The following TARBP1 variants were observed in gnomAD, a reference collection of about 807,000 sequenced individuals.
TARBP1 encodes the protein tRNA (guanosine(18)-2'-O)-methyltransferase TARBP1.
In TARBP1, 144 loss-of-function variants were observed where a neutral mutation model predicts 178.6. That is an observed-to-expected ratio of 0.81 (90% confidence interval 0.70 to 0.93). The LOEUF is 0.93. Among genes scored for constraint, TARBP1 ranks in the 40% least tolerant of loss-of-function variants. The pLI, the probability that TARBP1 is intolerant of heterozygous loss-of-function variation, is 0.00. For synonymous variants in TARBP1, 787 were observed against 781.0 expected (o/e 1.01, Z -0.13); for missense variants, 2,067 against 2,011.7 (o/e 1.03, Z -0.53).
intron 6 of TARBP1, among the ~76,000 whole-genome samples, chr1:234,462,507 G>A (rs1262918063): frequency 1.3e-5 from 2 of 152,004 alleles, no homozygotes; most frequent in East Asian, 1.9e-4. Flanking sequence ...TGGCCAACAC[G>A]GTGAAACCCT....
chr1:234,463,499 C>CT (rs1385123859), intron 6 of TARBP1, among the ~76,000 whole-genome samples: 1 of 152,114 alleles, frequency 6.6e-6, no homozygotes, highest in African/African-American at 2.4e-5. Context: ...CTGTTTACAA[C>CT]TTTTTCCTAA....
At chr1:234,422,599 G>C (rs1272720342) in intron 20 of TARBP1, among the ~76,000 whole-genome samples, 2 of 152,096 alleles carry the variant, frequency 1.3e-5, no homozygotes, top group Non-Finnish European at 1.5e-5. Context: ...GAGGGGTAGT[G>C]GTGGTAGGGG....
chr1:234,431,264 G>C (rs918794291), intron 14 of TARBP1, among the ~76,000 whole-genome samples: 1 of 152,124 alleles, frequency 6.6e-6, no homozygotes, highest in Admixed American at 6.5e-5. Context: ...GCCAACATAT[G>C]AAATAGAATT....
chr1:234,403,300 C>A (rs956329944), intron 24 of TARBP1, among the ~76,000 whole-genome samples: 1 of 152,130 alleles, frequency 6.6e-6, no homozygotes, highest in African/African-American at 2.4e-5. Flanking sequence ...GTCTTCTGCA[C>A]AGAAATCTCT....
chr1:234,405,819 G>T, intron 24 of TARBP1, 84 bp downstream of exon 24: 1 of 1,314,226 alleles, frequency 7.6e-7, no homozygotes, highest in Non-Finnish European at 1.1e-6. Context: ...GGAAGGAGAA[G>T]CTGACACAGT....
At chr1:234,424,769 T>A (rs1404624875) in intron 20 of TARBP1, among the ~76,000 whole-genome samples, 1 of 151,686 alleles carries the variant, frequency 6.6e-6, no homozygotes, top group Non-Finnish European at 1.5e-5. Flanking sequence ...CTGCTAAAAA[T>A]ACAAAAATTA....
chr1:234,441,685 T>C (rs1419850647), intron 12 of TARBP1, among the ~76,000 whole-genome samples: 1 of 152,168 alleles, frequency 6.6e-6, no homozygotes, highest in Non-Finnish European at 1.5e-5. Context: ...AGAAACCTCA[T>C]ACCCTTTAAA....
rs144896311 is a variant in TARBP1 at position 234,401,205 on chromosome 1, G to C, written c.4047C>G (p.His1349Gln). The C allele has an allele frequency of 3.2e-4, 523 of 1,613,388 alleles. No homozygotes were observed. Among genetic ancestry groups the C allele is most frequent in the Non-Finnish European group, 4.3e-4 (511 of 1,179,634 alleles). ...IQEHFFFATF[H>Q]PLKDYCLETI... The stretch of plus-strand genomic sequence containing the variant: ...CCTCTAGACAATAATCCTTGAGTGG[G>C]TGAAATGTTGCAAAAAAGAAATGCT... The change falls in exon 25 of 30, where the codon CAC (histidine) becomes CAG (glutamine). Residue 1349 changes from histidine to glutamine, a missense_variant. By Grantham distance (24) the His-to-Gln change is conservative (BLOSUM62 0). Coordinates refer to ENST00000040877, the MANE Select transcript of TARBP1 (RefSeq NM_005646.4).
At chr1:234,444,362 TA>T (rs1399482612) in intron 12 of TARBP1, among the ~76,000 whole-genome samples, 1 of 152,166 alleles carries the variant, frequency 6.6e-6, no homozygotes, top group African/African-American at 2.4e-5. Flanking sequence ...AATTTAAAAG[TA>T]AACATTATAC....
intron 11 of TARBP1, among the ~76,000 whole-genome samples, chr1:234,447,242 A>C (rs1181450185): frequency 6.6e-6 from 1 of 151,794 alleles, no homozygotes; most frequent in Non-Finnish European, 1.5e-5. Flanking sequence ...ATACCCAATT[A>C]ATGTGTAAAT....
chr1:234,430,742 G>C (rs1403017443), intron 14 of TARBP1, among the ~76,000 whole-genome samples: 1 of 152,104 alleles, frequency 6.6e-6, no homozygotes, highest in African/African-American at 2.4e-5. Context: ...AAGGCTCCAG[G>C]TTACAAATAA....
Position 234,406,043 on chromosome 1 carries a change from A to C in TARBP1, c.3849T>G (p.Asn1283Lys). The C allele has an allele frequency of 6.2e-7, 1 of 1,614,212 alleles. No individual in the cohort carries two copies. Among genetic ancestry groups the C allele is most frequent in the East Asian group, 2.2e-5 (1 of 44,890 alleles). Residue 1283 changes from asparagine to lysine, a missense_variant, in exon 24 of 30, where the codon AAT becomes AAG. Coordinates refer to ENST00000040877, the MANE Select transcript of TARBP1 (RefSeq NM_005646.4). ...CTAAAGCATACAGTCGAACACTAAA[A>C]TTGTGATTGAAACACCACTGCAGCA... ...IVVLQWCFNH[N>K]FSVRLYALVA... is the part of the protein sequence containing the mutation.
chr1:234,446,827 A>G lies in TARBP1; in HGVS notation c.2110T>C (p.Leu704=). The G allele has an allele frequency of 6.2e-7, 1 of 1,613,988 alleles. No individual in the cohort carries two copies. Among genetic ancestry groups the G allele is most frequent in the Non-Finnish European group, 8.5e-7 (1 of 1,179,942 alleles). The change falls in exon 12 of 30, where the codon TTG becomes CTG. Residue 704 remains leucine (L), a synonymous_variant. Coordinates refer to ENST00000040877, the MANE Select transcript of TARBP1 (RefSeq NM_005646.4). Reference sequence around the variant, plus strand: ...CCATCTTGGGCACTGGAACCTTTCAACCTGCATGTGTTCAACAGCTTCAAC... The same window carrying G: ...CCATCTTGGGCACTGGAACCTTTCAGCCTGCATGTGTTCAACAGCTTCAAC... ...LLLKLLNTCR[L]KGSSAQDDEV... is the part of the protein sequence containing the mutation.
At chr1:234,439,040 T>C (rs958300281) in intron 12 of TARBP1, among the ~76,000 whole-genome samples, 1 of 152,094 alleles carries the variant, frequency 6.6e-6, no homozygotes, top group Non-Finnish European at 1.5e-5. Flanking sequence ...CCTTCAGAAA[T>C]GAAGGTGAAA....
Position 234,433,439 on chromosome 1 carries a change from G to A in TARBP1, c.2365C>T (p.Gln789Ter). 2.5e-6 allele frequency: 4 copies of A among 1,614,002 alleles called. No individual in the cohort carries two copies. Among genetic ancestry groups the A allele is most frequent in the Non-Finnish European group, 3.4e-6 (4 of 1,179,998 alleles). The change falls in exon 14 of 30, where the codon CAG (glutamine) becomes TAG (stop). Residue 789 changes from glutamine to a stop codon, truncating the protein, a stop_gained. Coordinates refer to ENST00000040877, the MANE Select transcript of TARBP1 (RefSeq NM_005646.4). LOFTEE classifies it high-confidence loss of function. ...VISLLKNASI[Q>*]HLQEMDSGQE... is the part of the protein sequence containing the mutation. ...CCACTGTCCATCTCTTGAAGATGCTGAATGGATGCATTTTTCAAAAGAGAA... is the reference window on the plus strand; with the variant it reads ...CCACTGTCCATCTCTTGAAGATGCTAAATGGATGCATTTTTCAAAAGAGAA...
At chr1:234,473,388 GAA>G (rs545997636) in intron 1 of TARBP1, among the ~76,000 whole-genome samples, 2 of 152,192 alleles carry the variant, frequency 1.3e-5, no homozygotes, top group Non-Finnish European at 2.9e-5. Context: ...TCCTGAACAG[GAA>G]AAGACTAGAA....
At chr1:234,413,990 T>G (rs918524174) in intron 22 of TARBP1, among the ~76,000 whole-genome samples, 1 of 152,102 alleles carries the variant, frequency 6.6e-6, no homozygotes, top group African/African-American at 2.4e-5. Flanking sequence ...CAGATCAAGT[T>G]TGAGGGGAAA....
At chr1:234,419,089 G>C (rs553416111) in intron 21 of TARBP1, among the ~76,000 whole-genome samples, 1 of 152,062 alleles carries the variant, frequency 6.6e-6, no homozygotes, top group African/African-American at 2.4e-5. Flanking sequence ...GGAGAATGGC[G>C]TGAACCCTGG....
Position 234,478,347 on chromosome 1 carries a change from G to T in TARBP1, c.757C>A (p.Arg253Ser). The T allele has an allele frequency of 7.8e-7, 1 of 1,274,234 alleles. No homozygotes were observed. The highest frequency in any genetic ancestry group is 9.8e-7 in the Non-Finnish European group (1 of 1,015,984). The allele number at this position is 1,274,234 out of a possible 1,614,324, so 78.9% of individuals were successfully genotyped here. Reference sequence around the variant, plus strand: ...CGCCGGGCGTCCGGGCCCGCCTCGCGCGCGCCGCGGGCGCGGTCGCCGCCG... The same window carrying T: ...CGCCGGGCGTCCGGGCCCGCCTCGCTCGCGCCGCGGGCGCGGTCGCCGCCG... Reference protein sequence around the residue: ...EPGGDRARGAREAGPDARRCW... With the variant: ...EPGGDRARGASEAGPDARRCW... Residue 253 changes from arginine to serine, a missense_variant, in exon 1 of 30, where the codon CGC (arginine) becomes AGC (serine). By Grantham distance (110) the Arg-to-Ser change is moderately radical. Transcript: ENST00000040877.
Sources: gnomAD v4.1 joint callset for allele counts (sites outside exome capture counted in the v4.1 genomes callset) on GRCh38, gnomAD v4.1.1 for gene constraint, MANE v1.5 for transcripts, NCBI Gene and HGNC (gene_info 2026-07-23, HGNC 2026-07-21) for gene names.